FBXW7: variants seen among roughly 807,000 people sequenced by gnomAD.
FBXW7 encodes F-box and WD repeat domain containing 7, also known as F-box/WD repeat-containing protein 7.
In FBXW7, 11 loss-of-function variants were observed where a neutral mutation model predicts 86.3. The ratio of observed to expected loss-of-function variants is 0.13; its 90% CI spans 0.08 to 0.21. The LOEUF (loss-of-function observed/expected upper bound fraction) is 0.21. FBXW7 is among the 10% of genes least tolerant of loss of function. The pLI, the probability that FBXW7 is intolerant of heterozygous loss-of-function variation, is 1.00. For synonymous variants in FBXW7, 313 were observed against 297.9 expected (o/e 1.05, Z -0.52); for missense variants, 488 against 847.4 (o/e 0.58, Z 5.27).
chr4:152,518,787 T>C (rs1164256543), intron 2 of FBXW7, among the ~76,000 whole-genome samples: 2 of 152,176 alleles, frequency 1.3e-5, no homozygotes, highest in Admixed American at 6.5e-5. Flanking sequence ...TTAGCTCTTT[T>C]TAAGGTAACA....
rs113998395 is a variant in FBXW7, at chr4:152,536,010, G to A, written c.-1096C>T. On this transcript the variant is annotated 5_prime_UTR_variant, in exon 1 of 14. Transcript: ENST00000281708. ...CGCTCTCAGTCTCAGCGGCGGCGGC[G>A]GCGGCAGCGGCAGCGGCAGCGCCCG... 0.042 allele frequency: 9,387 copies of A among 225,534 alleles called. 710 individuals are homozygous for A. The highest frequency in any genetic ancestry group is 0.18 in the African/African-American group (7,622 of 41,558). 14.0% of individuals were successfully genotyped at this position (225,534 alleles called of 1,614,324 possible). A position where few individuals can be genotyped will look rare whatever the true frequency, so the allele number is the denominator to read the frequency against.
intron 2 of FBXW7, among the ~76,000 whole-genome samples, chr4:152,454,388 T>C (rs936463900): frequency 6.6e-6 from 1 of 151,680 alleles, no homozygotes; most frequent in Admixed American, 6.6e-5. Context: ...TTCCTACAGA[T>C]AACTTTTTTC....
At chr4:152,361,299 C>T (rs1342262802) in intron 4 of FBXW7, among the ~76,000 whole-genome samples, 1 of 152,028 alleles carries the variant, frequency 6.6e-6, no homozygotes, top group East Asian at 1.9e-4. Context: ...GGATTCTATT[C>T]ATTTTTAAAA....
At chr4:152,495,047 T>C (rs1285826950) in intron 2 of FBXW7, among the ~76,000 whole-genome samples, 2 of 152,178 alleles carry the variant, frequency 1.3e-5, no homozygotes, top group African/African-American at 4.8e-5. Flanking sequence ...ATTTATATAG[T>C]ATAAGCTATA....
intron 4 of FBXW7, among the ~76,000 whole-genome samples, chr4:152,369,537 G>A (rs1159062145): frequency 4.6e-5 from 7 of 151,914 alleles, no homozygotes; most frequent in Admixed American, 2.0e-4. Context: ...ATATTAAGTC[G>A]GGGGAAAAGT....
intron 2 of FBXW7, among the ~76,000 whole-genome samples, chr4:152,483,607 A>T (rs1360980882): frequency 1.3e-5 from 2 of 152,144 alleles, no homozygotes; most frequent in Non-Finnish European, 2.9e-5. Flanking sequence ...CTAAGGTGGG[A>T]AGATTGCTTG....
At chr4:152,324,793 T>C (rs1199418061) in intron 12 of FBXW7, 2 of 174,632 alleles carry the variant, frequency 1.1e-5, no homozygotes, top group Non-Finnish European at 1.2e-5. Context: ...ACATAGCTTA[T>C]GATAAACGGA....
chr4:152,343,328 T>C (rs746014686), intron 6 of FBXW7, among the ~76,000 whole-genome samples: 70 of 152,150 alleles, frequency 4.6e-4, no homozygotes, highest in Non-Finnish European at 8.1e-4. Flanking sequence ...GGTCCCTTTT[T>C]AGATCTGAGA....
intron 2 of FBXW7, among the ~76,000 whole-genome samples, chr4:152,434,744 T>C (rs1440882051): frequency 2.0e-5 from 3 of 152,146 alleles, no homozygotes; most frequent in Admixed American, 1.3e-4. Context: ...TTTGCAAAGA[T>C]ACAGACATAT....
intron 4 of FBXW7, among the ~76,000 whole-genome samples, chr4:152,362,742 G>A (rs1560806420): frequency 6.7e-6 from 1 of 148,152 alleles, no homozygotes; most frequent in Admixed American, 6.9e-5. Context: ...GCAGAGAATT[G>A]CTCAAACCCG....
intron 2 of FBXW7, among the ~76,000 whole-genome samples, chr4:152,445,116 G>C (rs1043048557): frequency 1.3e-5 from 2 of 152,146 alleles, no homozygotes; most frequent in African/African-American, 4.8e-5. Context: ...GTGAGCCACC[G>C]TGCCCAGCCC....
intron 2 of FBXW7, among the ~76,000 whole-genome samples, chr4:152,489,041 C>G (rs1745603365): frequency 1.3e-5 from 2 of 151,834 alleles, no homozygotes; most frequent in South Asian, 4.1e-4. Context: ...TTTTTAAAAC[C>G]TTCCATGAGA....
chr4:152,449,499 G>A (rs1459074171), intron 2 of FBXW7, among the ~76,000 whole-genome samples: 1 of 152,094 alleles, frequency 6.6e-6, no homozygotes, highest in Non-Finnish European at 1.5e-5. Context: ...TAATAAACAA[G>A]CTGGATAATC....
At chr4:152,336,941 G>A (rs933389237) in intron 7 of FBXW7, among the ~76,000 whole-genome samples, 1 of 151,936 alleles carries the variant, frequency 6.6e-6, no homozygotes, top group Non-Finnish European at 1.5e-5. Context: ...GAAATGGTAT[G>A]TTAGTATTTT....
At chr4:152,328,469 T>C (rs1729257582) in intron 10 of FBXW7, 80 bp from the exon 11 acceptor site, 1 of 943,718 alleles carries the variant, frequency 1.1e-6, no homozygotes, top group East Asian at 2.9e-5. Context: ...CATTAAAATT[T>C]GGAGTAAAGT....
In FBXW7 at chr4:152,387,621, A is replaced by AC. The variant is rs1735641342; in HGVS notation, c.501+23681_501+23682insG. 2.0e-5 allele frequency among the ~76,000 whole-genome samples: 3 copies of AC among 151,686 alleles called. No individual in the cohort carries two copies. In the South Asian group the frequency reaches 6.3e-4, roughly 32 times the overall value. On this transcript the variant is annotated intron_variant, in intron 4 of 13. Transcript: ENST00000281708. ...AGCAAAAACTGTAAAAAAAAAAAAA[A>AC]AAACATCCAGCAAGCAACATATTAC...
chr4:152,409,690 A>G (rs1023553945), intron 4 of FBXW7, among the ~76,000 whole-genome samples: 3 of 150,828 alleles, frequency 2.0e-5, no homozygotes, highest in African/African-American at 7.3e-5. Flanking sequence ...TATATCAAAA[A>G]CTATACATAC....
intron 7 of FBXW7, among the ~76,000 whole-genome samples, chr4:152,336,335 T>A (rs1233010521): frequency 6.6e-6 from 1 of 152,134 alleles, no homozygotes; most frequent in African/African-American, 2.4e-5. Context: ...CAAAATACTT[T>A]CATATTCTGA....
chr4:152,343,722 A>C (rs1730970220), intron 6 of FBXW7, among the ~76,000 whole-genome samples: 1 of 152,186 alleles, frequency 6.6e-6, no homozygotes, highest in African/African-American at 2.4e-5. Context: ...ACAAGCCAAA[A>C]AAATGACCAA....
Sources: allele counts gnomAD v4.1 joint callset (sites outside exome capture counted in the v4.1 genomes callset), GRCh38; gene constraint gnomAD v4.1.1; transcripts MANE v1.5; gene names NCBI Gene and HGNC (gene_info 2026-07-23, HGNC 2026-07-21).